TLE4: variants seen among roughly 807,000 people sequenced by gnomAD.
TLE4 encodes the protein transducin-like enhancer protein 4.
In TLE4, 8 loss-of-function variants were observed where a neutral mutation model predicts 92.8. That is an observed-to-expected ratio of 0.09 (90% CI 0.05 to 0.16). TLE4 has a LOEUF of 0.16. Among genes scored for constraint, TLE4 ranks in the 10% least tolerant of loss-of-function variants. The probability of loss-of-function intolerance (pLI) is 1.00; values close to 1 mark genes in which losing one functional copy is unlikely to be tolerated. For missense variants in TLE4, 675 were observed against 997.6 expected (o/e 0.68, Z 4.36); for synonymous variants, 371 against 374.1 (o/e 0.99, Z 0.10).
intron 8 of TLE4, among the ~76,000 whole-genome samples, chr9:79,658,977 T>TA (rs1339062407): frequency 2.0e-5 from 3 of 152,198 alleles, no homozygotes; most frequent in African/African-American, 7.2e-5. Context: ...ATATCCACTG[T>TA]AACCTAGGGA....
At chr9:79,579,868 T>C (rs564764523) in intron 4 of TLE4, among the ~76,000 whole-genome samples, 1 of 152,294 alleles carries the variant, frequency 6.6e-6, no homozygotes, top group African/African-American at 2.4e-5. Context: ...TGGTAAATGA[T>C]GATAAATGAC....
At chr9:79,655,695 G>A (rs2059684438) in intron 8 of TLE4, among the ~76,000 whole-genome samples, 1 of 152,218 alleles carries the variant, frequency 6.6e-6, no homozygotes. Context: ...TCACACATGT[G>A]TACTTAGGAA....
chr9:79,660,046 TC>T, intron 8 of TLE4, among the ~76,000 whole-genome samples: 1 of 152,216 alleles, frequency 6.6e-6, no homozygotes, highest in Non-Finnish European at 1.5e-5. Flanking sequence ...TGTCCCATTC[TC>T]CCATCATAAG....
At chr9:79,686,470 G>T (rs745989257) in intron 8 of TLE4, among the ~76,000 whole-genome samples, 10 of 152,164 alleles carry the variant, frequency 6.6e-5, no homozygotes, top group Non-Finnish European at 1.5e-4. Context: ...GGTCTTGGCA[G>T]ATGTCATCGA....
intron 6 of TLE4, among the ~76,000 whole-genome samples, chr9:79,635,987 G>A (rs1001012162): frequency 2.6e-5 from 4 of 152,028 alleles, no homozygotes; most frequent in East Asian, 1.9e-4. Flanking sequence ...AAGGTTGAGC[G>A]CATTTTTCCA....
In TLE4 at chr9:79,572,731, G is replaced by T. The variant is rs564665418; in HGVS notation, c.-60G>T. ...GCTGCCGCGGCCGCCTCCTCTTCGG[G>T]GTCATTAAAGCCAATGAGCCGCGCG... On this transcript the variant is annotated 5_prime_UTR_variant, in exon 1 of 20. Coordinates refer to ENST00000376552, the MANE Select transcript of TLE4 (RefSeq NM_007005.6). 6.4e-7 allele frequency: 1 copy of T among 1,567,768 alleles called. No homozygotes were observed. Among genetic ancestry groups the T allele is most frequent in the East Asian group, 2.5e-5 (1 of 40,476 alleles).
At chr9:79,613,252 G>A (rs1030187051) in intron 5 of TLE4, among the ~76,000 whole-genome samples, 31 of 152,020 alleles carry the variant, frequency 2.0e-4, no homozygotes, top group African/African-American at 6.8e-4. Context: ...CATTGAACTC[G>A]TTTCTCTGAG....
intron 16 of TLE4, among the ~76,000 whole-genome samples, 172 bp downstream of exon 16, chr9:79,720,465 G>C (rs1187286979): frequency 6.6e-6 from 1 of 150,998 alleles, no homozygotes; most frequent in East Asian, 1.9e-4. Flanking sequence ...GTTCAGAACA[G>C]GTCCATTTTA....
chr9:79,579,512 C>A (rs942851723), intron 4 of TLE4, among the ~76,000 whole-genome samples: 10 of 152,132 alleles, frequency 6.6e-5, no homozygotes, highest in Non-Finnish European at 1.2e-4. Flanking sequence ...TCTATGACTT[C>A]CTTATAGTTA....
At chr9:79,573,876 TG>T (rs2036783569) in intron 2 of TLE4, 90 bp downstream of exon 2, 1 of 902,252 alleles carries the variant, frequency 1.1e-6, no homozygotes, top group African/African-American at 1.7e-5. Flanking sequence ...CCTCCTTTTT[TG>T]TGGGGGCGTC....
intron 4 of TLE4, 43 bp downstream of exon 4, chr9:79,576,220 G>T: frequency 7.4e-7 from 1 of 1,359,168 alleles, no homozygotes; most frequent in Non-Finnish European, 1.0e-6. Flanking sequence ...CAGTAATACT[G>T]GGACACTATG....
chr9:79,643,957 G>A (rs2057650355), intron 6 of TLE4, among the ~76,000 whole-genome samples: 1 of 152,034 alleles, frequency 6.6e-6, no homozygotes, highest in African/African-American at 2.4e-5. Context: ...GAAAATGTGG[G>A]CTTCTGGTAC....
intron 8 of TLE4, among the ~76,000 whole-genome samples, chr9:79,686,238 C>T (rs1230130491): frequency 6.6e-6 from 1 of 152,042 alleles, no homozygotes; most frequent in East Asian, 1.9e-4. Context: ...CCATGGATAC[C>T]TAAGGATGAC....
rs542625441 is a variant in TLE4 at position 79,686,644 on chromosome 9, A to G, written c.610-18139A>G. 1.8e-4 allele frequency among the ~76,000 whole-genome samples: 28 copies of G among 152,328 alleles called. No homozygotes were observed. In the South Asian group the frequency reaches 5.8e-3, roughly 32 times the overall value. ...GTGCTGCCACAAACCGAAGAATGCC[A>G]AGGATTGCCAGCAACCACCAGAAGC... On this transcript the variant is annotated intron_variant, in intron 8 of 19. Transcript: ENST00000376552.
intron 8 of TLE4, among the ~76,000 whole-genome samples, chr9:79,698,874 T>TAC: frequency 1.4e-5 from 2 of 147,178 alleles, no homozygotes; most frequent in South Asian, 4.2e-4. Flanking sequence ...TATATATACA[T>TAC]ATATATATAT....
At chr9:79,627,698 A>G (rs893704041) in intron 6 of TLE4, 1 of 452,596 alleles carries the variant, frequency 2.2e-6, no homozygotes, top group East Asian at 4.0e-5. Flanking sequence ...GCTCTTTTTC[A>G]TATTTCTTTG....
At chr9:79,594,381 T>G (rs954997234) in intron 4 of TLE4, among the ~76,000 whole-genome samples, 5 of 152,236 alleles carry the variant, frequency 3.3e-5, no homozygotes, top group Non-Finnish European at 7.3e-5. Context: ...TCATGAAGTC[T>G]GTGTGCTGCT....
At chr9:79,624,203 G>A (rs1029405433) in intron 5 of TLE4, among the ~76,000 whole-genome samples, 6 of 149,402 alleles carry the variant, frequency 4.0e-5, no homozygotes, top group Admixed American at 6.7e-5. Flanking sequence ...AAGCCTCCTG[G>A]GTCAGTTTAT....
In TLE4 at chr9:79,652,962, A is replaced by G. The variant is rs377285356; in HGVS notation, c.592+168A>G. On this transcript the variant is annotated intron_variant, in intron 7 of 19. Transcript: ENST00000376552. ...TGCAAGTAGTCAATTGCCAAATGAT[A>G]TTCTAGTGGTTGGCAAGAGCTAACA... is the stretch of plus-strand genomic sequence containing the variant. 131 of 821,008 alleles carry G rather than the reference A, an allele frequency of 1.6e-4. No homozygotes were observed. In the African/African-American group the frequency reaches 2.1e-3, roughly 13 times the overall value. The allele number at this position is 821,008 out of a possible 1,614,324, so 50.9% of individuals were successfully genotyped here.
Sources: gnomAD v4.1 joint callset for allele counts (sites outside exome capture counted in the v4.1 genomes callset) on GRCh38, gnomAD v4.1.1 for gene constraint, MANE v1.5 for transcripts, NCBI Gene and HGNC (gene_info 2026-07-23, HGNC 2026-07-21) for gene names.